The following SYCP2L variants were observed in gnomAD, a reference collection of about 807,000 sequenced individuals.
SYCP2L encodes synaptonemal complex protein 2 like, also known as synaptonemal complex protein 2-like.
A neutral mutation model predicts 125.8 loss-of-function variants in SYCP2L; 98 were observed. That is an observed-to-expected ratio of 0.78 (90% CI 0.66 to 0.92). The LOEUF (loss-of-function observed/expected upper bound fraction) is 0.92, where lower values mean the gene tolerates loss of function less well. Among genes scored for constraint, SYCP2L ranks in the 40% least tolerant of loss-of-function variants. SYCP2L has a pLI of 0.00. For missense variants in SYCP2L, 842 were observed against 936.4 expected, an observed-to-expected ratio of 0.90 and a Z score of 1.32; for synonymous variants, 317 against 325.4, an observed-to-expected ratio of 0.97 and a Z score of 0.28.
In SYCP2L at chr6:10,943,869, C is replaced by T. The variant is rs145168333; in HGVS notation, c.1954+1123C>T. Among the ~76,000 whole-genome samples the T allele has an allele frequency of 7.9e-5, 12 of 152,242 alleles. No individual in the cohort carries two copies. The East Asian group carries it at 2.3e-3, about 29-fold the overall frequency. The stretch of plus-strand genomic sequence containing the variant: ...CAATCATTTGTGAGATCCATTCATG[C>T]TAATGTGTGTAATTGAGGTATATTT... On this transcript the variant is annotated intron_variant, in intron 23 of 29. Transcript: ENST00000283141.
intron 14 of SYCP2L, among the ~76,000 whole-genome samples, chr6:10,922,407 T>C (rs903661552): frequency 6.6e-6 from 1 of 152,134 alleles, no homozygotes; most frequent in Non-Finnish European, 1.5e-5. Context: ...GCCCTCATGG[T>C]ATTTCTTCTG....
intron 14 of SYCP2L, among the ~76,000 whole-genome samples, chr6:10,922,488 C>T (rs572927147): frequency 2.8e-5 from 4 of 142,070 alleles, no homozygotes; most frequent in Non-Finnish European, 6.1e-5. Flanking sequence ...TTTTTTGAGA[C>T]GAAGTCTCAC....
At chr6:10,927,402 AG>A in intron 17 of SYCP2L, 35 bp downstream of exon 17, 1 of 1,562,306 alleles carries the variant, frequency 6.4e-7, no homozygotes. Context: ...AGCATCGGCC[AG>A]GTTGAGAAAT....
At position 10,907,688 on chromosome 6, in the gene SYCP2L, A is replaced by G. The variant is rs1437474776; in HGVS notation, c.819+4A>G. On this transcript the variant is annotated splice_donor_region_variant and intron_variant, in intron 10 of 29. Transcript: ENST00000283141. ...TAAGGATCGAGAATTTGAGACGGTG[A>G]GATTCCTGGCCATGCGAATTTCTTA... 1 of 1,612,344 alleles carries G rather than the reference A, an allele frequency of 6.2e-7. No individual in the cohort carries two copies. Among genetic ancestry groups the G allele is most frequent in the Non-Finnish European group, 8.5e-7 (1 of 1,179,286 alleles).
In SYCP2L at chr6:10,955,213, G is replaced by T. The variant is rs538404243; in HGVS notation, c.2052G>T (p.Leu684Phe). The change falls in exon 24 of 30, where the codon TTG becomes TTT. Residue 684 changes from leucine to phenylalanine, a missense_variant. Leu to Phe is a conservative substitution (Grantham distance 22). Coordinates refer to ENST00000283141, the MANE Select transcript of SYCP2L (RefSeq NM_001040274.3). The stretch of plus-strand genomic sequence containing the variant: ...TCTCAATAACAGAAGAAAGAGAGTT[G>T]CCAGGTAACATCATGCACCCAGCCA... ...SPFSITEERE[L>F]PEGISTSSLE... is the part of the protein sequence containing the mutation. 1 of 1,601,996 alleles carries T rather than the reference G, an allele frequency of 6.2e-7. No homozygotes were observed. Among genetic ancestry groups the T allele is most frequent in the South Asian group, 1.1e-5 (1 of 90,856 alleles).
chr6:10,941,557 A>G (rs1222426137), intron 21 of SYCP2L, among the ~76,000 whole-genome samples: 1 of 152,292 alleles, frequency 6.6e-6, no homozygotes, highest in Non-Finnish European at 1.5e-5. Context: ...AATGCTCACC[A>G]TCACTGGCCA....
chr6:10,941,222 C>G (rs1437081272), intron 21 of SYCP2L, among the ~76,000 whole-genome samples: 2 of 152,112 alleles, frequency 1.3e-5, no homozygotes, highest in Non-Finnish European at 2.9e-5. Context: ...TCAGCAATAC[C>G]ATTCAGGACA....
chr6:10,957,909 T>A (rs1781528324), intron 25 of SYCP2L, among the ~76,000 whole-genome samples: 1 of 152,200 alleles, frequency 6.6e-6, no homozygotes, highest in Non-Finnish European at 1.5e-5. Context: ...TGAGACACTG[T>A]GCATACAGCC....
At chr6:10,894,915 C>T (rs1425336812) in intron 4 of SYCP2L, among the ~76,000 whole-genome samples, 4 of 152,090 alleles carry the variant, frequency 2.6e-5, no homozygotes, top group Non-Finnish European at 5.9e-5. Context: ...TTGATTTACC[C>T]CTTGAGCTCC....
intron 14 of SYCP2L, chr6:10,922,843 G>A (rs1294840089): frequency 2.6e-5 from 4 of 151,902 alleles, no homozygotes; most frequent in South Asian, 2.1e-4. Flanking sequence ...AAAGAAAAAA[G>A]TAGATTAATT....
intron 26 of SYCP2L, among the ~76,000 whole-genome samples, chr6:10,959,155 T>C (rs1026571262): frequency 2.0e-5 from 3 of 152,246 alleles, no homozygotes; most frequent in Admixed American, 2.0e-4. Flanking sequence ...CATGGAAATA[T>C]ATGTTAAAAA....
intron 1 of SYCP2L, among the ~76,000 whole-genome samples, chr6:10,889,571 C>G (rs970247344): frequency 6.6e-6 from 1 of 151,470 alleles, no homozygotes. Context: ...ATCTCACTTC[C>G]TCTTTTCTAG....
intron 23 of SYCP2L, among the ~76,000 whole-genome samples, chr6:10,946,662 T>C: frequency 6.6e-6 from 1 of 152,246 alleles, no homozygotes; most frequent in East Asian, 1.9e-4. Context: ...TTGCTTTTTG[T>C]TTTCTATTCT....
intron 16 of SYCP2L, among the ~76,000 whole-genome samples, chr6:10,926,691 C>T (rs1194004908): frequency 6.6e-6 from 1 of 151,988 alleles, no homozygotes; most frequent in Non-Finnish European, 1.5e-5. Context: ...AAGGTCTTGT[C>T]TACCCACAAA....
At chr6:10,966,148 C>T (rs1367952841) in intron 29 of SYCP2L, among the ~76,000 whole-genome samples, 1 of 152,030 alleles carries the variant, frequency 6.6e-6, no homozygotes, top group African/African-American at 2.4e-5. Context: ...ATAACAACAA[C>T]AACAACCACA....
Position 10,912,627 on chromosome 6 carries a change from G to A in SYCP2L, c.919-46G>A. 1.5e-6 allele frequency: 2 copies of A among 1,365,998 alleles called. No individual in the cohort carries two copies. The highest frequency in any genetic ancestry group is 2.1e-6 in the Non-Finnish European group (2 of 963,580). The allele number at this position is 1,365,998 out of a possible 1,614,324, so 84.6% of individuals were successfully genotyped here. On this transcript the variant is annotated intron_variant, in intron 12 of 29. Coordinates refer to ENST00000283141, the MANE Select transcript of SYCP2L (RefSeq NM_001040274.3). The surrounding 1 kb of genome is among the most constrained non-coding windows in gnomAD (Gnocchi z 4.1). ...GGAATAATGTTTATCTGACCCTATA[G>A]CATGATTTTTATGTGTATAAGTCAT...
chr6:10,921,899 G>C (rs1028373333), intron 14 of SYCP2L, among the ~76,000 whole-genome samples: 34 of 151,990 alleles, frequency 2.2e-4, no homozygotes, highest in Non-Finnish European at 4.0e-4. Context: ...GTAAAGACGG[G>C]GTTTCACCGT....
intron 24 of SYCP2L, 45 bp from the exon 25 acceptor site, chr6:10,956,091 G>A (rs1781498959): frequency 6.7e-7 from 1 of 1,484,988 alleles, no homozygotes. Context: ...AGTCTACTTT[G>A]AACACTTTGT....
In SYCP2L at chr6:10,956,158, A is replaced by G; in HGVS notation, c.2079A>G (p.Leu693=). The G allele has an allele frequency of 6.2e-7, 1 of 1,613,824 alleles. No individual in the cohort carries two copies. The highest frequency in any genetic ancestry group is 8.5e-7 in the Non-Finnish European group (1 of 1,179,880). ...ELPEGISTSS[L]EVVPENLNGS... ...CAGAAGGAATTTCCACTTCATCCCT[A>G]GAAGTTGTGCCAGAGAACTTGAACG... The change falls in exon 25 of 30, where the codon CTA becomes CTG. Residue 693 remains leucine (L), a synonymous_variant. Coordinates refer to ENST00000283141, the MANE Select transcript of SYCP2L (RefSeq NM_001040274.3).
Sources: allele counts gnomAD v4.1 joint callset (sites outside exome capture counted in the v4.1 genomes callset), GRCh38; gene constraint gnomAD v4.1.1; non-coding constraint Gnocchi (gnomAD v3.1); transcripts MANE v1.5; gene names NCBI Gene and HGNC (gene_info 2026-07-23, HGNC 2026-07-21).